The following FNDC3B variants were observed in gnomAD, a reference collection of about 807,000 sequenced individuals.
FNDC3B encodes fibronectin type III domain-containing protein 3B.
Under a neutral mutation model 151.5 loss-of-function variants are expected in FNDC3B, and 12 were observed. That is an observed-to-expected ratio of 0.08 (90% CI 0.05 to 0.13). FNDC3B has a LOEUF of 0.13. Among genes scored for constraint, FNDC3B ranks in the 10% least tolerant of loss-of-function variants. FNDC3B has a pLI of 1.00. For synonymous variants in FNDC3B, 528 were observed against 549.0 expected, an observed-to-expected ratio of 0.96 and a Z score of 0.54; for missense variants, 1,214 against 1,505.3, an observed-to-expected ratio of 0.81 and a Z score of 3.20.
intron 7 of FNDC3B, among the ~76,000 whole-genome samples, chr3:172,290,326 T>G (rs938179117): frequency 2.0e-5 from 3 of 152,188 alleles, no homozygotes; most frequent in Non-Finnish European, 4.4e-5. Context: ...CATTTAAATT[T>G]TATTAAAATG....
intron 1 of FNDC3B, among the ~76,000 whole-genome samples, chr3:172,093,097 C>T (rs1203487176): frequency 1.5e-4 from 23 of 151,816 alleles, no homozygotes; most frequent in Admixed American, 1.5e-3. Flanking sequence ...GGATTACAGG[C>T]ATGAGCCACT....
intron 4 of FNDC3B, among the ~76,000 whole-genome samples, chr3:172,240,296 C>T (rs1024771594): frequency 6.6e-6 from 1 of 152,108 alleles, no homozygotes; most frequent in Non-Finnish European, 1.5e-5. Flanking sequence ...ACTGTATGTG[C>T]CTCACAGGAT....
chr3:172,246,862 A>G (rs1056463171), intron 4 of FNDC3B, among the ~76,000 whole-genome samples: 9 of 152,236 alleles, frequency 5.9e-5, no homozygotes, highest in African/African-American at 2.2e-4. Context: ...TTCTTTCACA[A>G]CACTCATCAT....
chr3:172,111,712 T>C (rs566656403), intron 1 of FNDC3B, among the ~76,000 whole-genome samples: 2 of 152,326 alleles, frequency 1.3e-5, no homozygotes, highest in South Asian at 4.1e-4. Context: ...CATATCTACC[T>C]GAGACATATT....
intron 2 of FNDC3B, among the ~76,000 whole-genome samples, chr3:172,118,923 C>T (rs1400794040): frequency 6.6e-6 from 1 of 151,854 alleles, no homozygotes; most frequent in Non-Finnish European, 1.5e-5. Flanking sequence ...AATCCCAGCA[C>T]TTTGGGAGGC....
Position 172,346,397 on chromosome 3 carries a change from G to A in FNDC3B, c.2321G>A (p.Cys774Tyr). ...CCTCCTGGACAATGCAAAGCACCTT[G>A]TATTTCTTGTACACCTGATGGATGT... ...AGPPGQCKAPCISCTPDGCVL... is the reference protein window; with the variant it reads ...AGPPGQCKAPYISCTPDGCVL... Residue 774 changes from cysteine (C) to tyrosine (Y), a missense_variant, in exon 20 of 26, where the codon TGT (cysteine) becomes TAT (tyrosine). By Grantham distance (194) the Cys-to-Tyr change is radical (BLOSUM62 -2). Around this residue, in one of 7 missense-constraint regions of FNDC3B, gnomAD observed 380 missense variants for 420.9 expected, o/e 0.90. Coordinates refer to ENST00000415807, the MANE Select transcript of FNDC3B (RefSeq NM_022763.4). 1.2e-6 allele frequency: 2 copies of A among 1,613,738 alleles called. No homozygotes were observed. Among genetic ancestry groups the A allele is most frequent in the Non-Finnish European group, 1.7e-6 (2 of 1,179,740 alleles).
chr3:172,395,207 A>G (rs1736213927), intron 25 of FNDC3B, among the ~76,000 whole-genome samples: 1 of 152,116 alleles, frequency 6.6e-6, no homozygotes, highest in Admixed American at 6.5e-5. Context: ...TATCAGCCAA[A>G]TCGCTTATTG....
At chr3:172,110,293 T>G (rs7649043) in intron 1 of FNDC3B, among the ~76,000 whole-genome samples, 4,863 of 152,026 alleles carry the variant, frequency 0.032, 244 homozygotes, top group African/African-American at 0.1. Flanking sequence ...CAAGAAACAA[T>G]GAGAAATAGG....
chr3:172,104,673 G>A (rs957702870), intron 1 of FNDC3B, among the ~76,000 whole-genome samples: 1 of 152,116 alleles, frequency 6.6e-6, no homozygotes, highest in Non-Finnish European at 1.5e-5. Flanking sequence ...CAATGCCAAG[G>A]CATTGGTGTA....
At chr3:172,330,182 A>G (rs1732570900) in intron 12 of FNDC3B, 1 of 160,980 alleles carries the variant, frequency 6.2e-6, no homozygotes, top group Non-Finnish European at 1.3e-5. Context: ...TAGTCTTTGC[A>G]TATAACCTAC....
intron 1 of FNDC3B, among the ~76,000 whole-genome samples, chr3:172,054,799 G>C (rs527613291): frequency 6.6e-6 from 1 of 152,248 alleles, no homozygotes; most frequent in Non-Finnish European, 1.5e-5. Context: ...ATAGTTGGAG[G>C]CTGGGGAAGC....
At chr3:172,179,468 A>G (rs1214853681) in intron 3 of FNDC3B, among the ~76,000 whole-genome samples, 4 of 152,186 alleles carry the variant, frequency 2.6e-5, no homozygotes, top group Non-Finnish European at 5.9e-5. Context: ...TGTTCAGGAT[A>G]TATGGTATGA....
At chr3:172,183,065 G>A (rs2108656757) in intron 3 of FNDC3B, among the ~76,000 whole-genome samples, 1 of 152,294 alleles carries the variant, frequency 6.6e-6, no homozygotes, top group East Asian at 1.9e-4. Flanking sequence ...TAAGAAATAA[G>A]GAGCCCCTGG....
chr3:172,057,377 C>T (rs976492867), intron 1 of FNDC3B, among the ~76,000 whole-genome samples: 1 of 152,186 alleles, frequency 6.6e-6, no homozygotes, highest in Non-Finnish European at 1.5e-5. Flanking sequence ...GCCACCTTTG[C>T]CGTTCATTGT....
rs375284777 is a variant in FNDC3B at position 172,259,067 on chromosome 3, G to A, written c.790+7526G>A. 3.9e-5 allele frequency among the ~76,000 whole-genome samples: 6 copies of A among 152,092 alleles called. No individual in the cohort carries two copies. In the East Asian group the frequency reaches 9.6e-4, roughly 24 times the overall value. Reference sequence around the variant, plus strand: ...ATTGCTTTATCTCTCAAGTCTATAGGTGATGATGAATCCTGTGTTTTTTCA... The same window carrying A: ...ATTGCTTTATCTCTCAAGTCTATAGATGATGATGAATCCTGTGTTTTTTCA... On this transcript the variant is annotated intron_variant, in intron 6 of 25. Coordinates refer to ENST00000415807, the MANE Select transcript of FNDC3B (RefSeq NM_022763.4).
intron 3 of FNDC3B, among the ~76,000 whole-genome samples, chr3:172,190,339 A>G (rs1309676673): frequency 6.6e-6 from 1 of 152,116 alleles, no homozygotes; most frequent in Non-Finnish European, 1.5e-5. Flanking sequence ...TTTGAAATAT[A>G]ATGTTTTTAA....
intron 3 of FNDC3B, among the ~76,000 whole-genome samples, chr3:172,169,496 A>G (rs1723185599): frequency 6.6e-6 from 1 of 152,224 alleles, no homozygotes; most frequent in South Asian, 2.1e-4. Flanking sequence ...TGCAGGAATT[A>G]GGTAACTTTG....
intron 22 of FNDC3B, among the ~76,000 whole-genome samples, chr3:172,358,954 T>G (rs982919115): frequency 1.9e-4 from 15 of 80,560 alleles, no homozygotes; most frequent in African/African-American, 7.2e-4. Flanking sequence ...CACAGTTTTC[T>G]TGGTGGTGGT....
intron 22 of FNDC3B, among the ~76,000 whole-genome samples, chr3:172,355,909 C>T (rs1264005849): frequency 6.6e-6 from 1 of 152,208 alleles, no homozygotes; most frequent in Non-Finnish European, 1.5e-5. Flanking sequence ...CAGACCAGGA[C>T]TATTGCCTTC....
Sources: gnomAD v4.1 joint callset for allele counts (sites outside exome capture counted in the v4.1 genomes callset) on GRCh38, gnomAD v4.1.1 for gene constraint, gnomAD v4.1.1 regional missense constraint, MANE v1.5 for transcripts, NCBI Gene and HGNC (gene_info 2026-07-23, HGNC 2026-07-21) for gene names.